Variants in ADGRL3 observed in about 807,000 individuals in gnomAD.
ADGRL3 encodes adhesion G protein-coupled receptor L3, also known as calcium-independent alpha-latrotoxin receptor 3.
ADGRL3 carries 62 observed loss-of-function variants against 153.5 expected under a neutral mutation model. That is an observed-to-expected ratio of 0.40 (90% CI 0.33 to 0.50). The LOEUF is 0.50. ADGRL3 is among the 20% of genes least tolerant of loss of function. ADGRL3 has a pLI of 0.47. For missense variants in ADGRL3, 1,641 were observed against 1,859.4 expected (o/e 0.88, Z 2.16); for synonymous variants, 710 against 672.5 (o/e 1.06, Z -0.86).
chr4:61,879,189 A>C (rs191684416), intron 9 of ADGRL3, among the ~76,000 whole-genome samples: 1 of 152,344 alleles, frequency 6.6e-6, no homozygotes, highest in Admixed American at 6.5e-5. Context: ...ATTATGTGTT[A>C]CTGAATAACA....
Position 61,977,834 on chromosome 4 carries a change from GT to G in ADGRL3, c.2806-1726del, listed in dbSNP as rs371272536. On this transcript the variant is annotated intron_variant, in intron 17 of 26. Transcript: ENST00000683033. ...TTAGATTCATGGGGTACATGGGCAG[GT>G]TTGTTACATAGGTGTATTGTGTGAT... 2.8e-4 allele frequency among the ~76,000 whole-genome samples: 42 copies of G among 152,132 alleles called. No homozygotes were observed. In the South Asian group the frequency reaches 8.7e-3, roughly 32 times the overall value.
At position 61,892,706 on chromosome 4, in the gene ADGRL3, A is replaced by G. The variant is rs753541050; in HGVS notation, c.1531A>G (p.Thr511Ala). 1 of 1,613,746 alleles carries G rather than the reference A, an allele frequency of 6.2e-7. No individual in the cohort carries two copies. Among genetic ancestry groups the G allele is most frequent in the African/African-American group, 1.3e-5 (1 of 74,890 alleles). ...CATGGGAAGCACTACCACCAGTACC[A>G]CCCTTCGGACCACAACTTTGAGCCC... ...LGMGSTTTST[T>A]LRTTTLSPGR... The change falls in exon 10 of 27, where the codon ACC (threonine) becomes GCC (alanine). Residue 511 changes from threonine (T) to alanine (A), a missense_variant. Physicochemically the swap from Thr to Ala is moderately conservative, Grantham distance 58. This residue lies in a region of ADGRL3 where 734 missense variants were observed against 797.0 expected (regional missense o/e 0.92). Transcript: ENST00000683033.
intron 1 of ADGRL3, among the ~76,000 whole-genome samples, chr4:61,341,344 A>G (rs955254270): frequency 5.3e-5 from 8 of 152,056 alleles, no homozygotes; most frequent in African/African-American, 1.9e-4. Context: ...TTATTATACA[A>G]GTAATTCATG....
At chr4:61,767,303 A>G (rs1187052003) in intron 8 of ADGRL3, among the ~76,000 whole-genome samples, 1 of 150,914 alleles carries the variant, frequency 6.6e-6, no homozygotes, top group Non-Finnish European at 1.5e-5. Flanking sequence ...GGGGACAACT[A>G]AAAAGGAGTG....
chr4:61,979,758 C>G lies in ADGRL3; in HGVS notation c.3001C>G (p.Arg1001Gly). The change falls in exon 18 of 27, where the codon CGA becomes GGA. Residue 1001 changes from arginine (R) to glycine (G), a missense_variant. By Grantham distance (125) the Arg-to-Gly change is moderately radical (BLOSUM62 -2). This residue lies in a region of ADGRL3 where 734 missense variants were observed against 797.0 expected (regional missense o/e 0.92). Transcript: ENST00000683033. The part of the protein sequence containing the change: ...AELLFLIGIN[R>G]TDQPIACAVF... The stretch of plus-strand genomic sequence containing the variant: ...GCTGCTCTTCCTGATTGGGATCAAC[C>G]GAACTGACCAACCAGTAAGCAACCT... 6.2e-7 allele frequency: 1 copy of G among 1,613,752 alleles called. No individual in the cohort carries two copies. The highest frequency in any genetic ancestry group is 8.5e-7 in the Non-Finnish European group (1 of 1,179,738).
chr4:61,681,551 C>A (rs986221384), intron 6 of ADGRL3, among the ~76,000 whole-genome samples: 4 of 152,064 alleles, frequency 2.6e-5, no homozygotes, highest in Admixed American at 6.6e-5. Context: ...GACTTTCTCA[C>A]TAGTCACATT....
intron 1 of ADGRL3, among the ~76,000 whole-genome samples, chr4:61,370,277 G>C (rs971101189): frequency 5.4e-4 from 56 of 103,430 alleles, no homozygotes; most frequent in Non-Finnish European, 1.2e-3. Context: ...GCTAGCTTTT[G>C]AATGTGTTTG....
chr4:61,277,749 C>T (rs915555535), intron 1 of ADGRL3, among the ~76,000 whole-genome samples: 1 of 151,880 alleles, frequency 6.6e-6, no homozygotes, highest in Middle Eastern at 3.2e-3. Context: ...TCCAATGTGC[C>T]AAAAAAGACT....
chr4:61,399,094 T>G (rs564036841), intron 2 of ADGRL3, among the ~76,000 whole-genome samples: 2 of 151,866 alleles, frequency 1.3e-5, no homozygotes, highest in African/African-American at 4.8e-5. Context: ...TACTTGTAAG[T>G]AGAAAGCATA....
Position 61,597,573 on chromosome 4 carries a change from C to T in ADGRL3, c.473+10133C>T, listed in dbSNP as rs76965879. 2.4e-3 allele frequency among the ~76,000 whole-genome samples: 368 copies of T among 151,788 alleles called. 10 individuals carry two copies. Among genetic ancestry groups the T allele is most frequent in the East Asian group, 2.3e-3 (12 of 5,158 alleles). ...TATGACAGTTCTTTACCAATACAAA[C>T]ATTTTTTAAAATATCATATTATAAT... On this transcript the variant is annotated intron_variant, in intron 5 of 26. Coordinates refer to ENST00000683033, the MANE Select transcript of ADGRL3 (RefSeq NM_001387552.1).
At chr4:61,456,411 AT>A (rs2097747950) in intron 2 of ADGRL3, among the ~76,000 whole-genome samples, 1 of 57,724 alleles carries the variant, frequency 1.7e-5, no homozygotes, top group Non-Finnish European at 4.4e-5. Context: ...ATCTATATAT[AT>A]ATAGATATAT....
At chr4:61,525,421 A>C (rs2152933559) in intron 4 of ADGRL3, among the ~76,000 whole-genome samples, 1 of 152,280 alleles carries the variant, frequency 6.6e-6, no homozygotes, top group Non-Finnish European at 1.5e-5. Flanking sequence ...ATAGTGAGAC[A>C]GGAAGTTTGA....
At chr4:61,945,909 G>T (rs947797160) in intron 15 of ADGRL3, among the ~76,000 whole-genome samples, 3 of 152,164 alleles carry the variant, frequency 2.0e-5, no homozygotes, top group Admixed American at 6.5e-5. Flanking sequence ...CGTCGCTCAC[G>T]CTGGGAGCTG....
At chr4:61,306,750 C>T (rs951305776) in intron 1 of ADGRL3, among the ~76,000 whole-genome samples, 2 of 152,122 alleles carry the variant, frequency 1.3e-5, no homozygotes, top group African/African-American at 2.4e-5. Flanking sequence ...TACAACTATG[C>T]AACCACCACC....
chr4:61,583,245 G>A (rs747513442), intron 4 of ADGRL3, among the ~76,000 whole-genome samples: 3 of 151,984 alleles, frequency 2.0e-5, no homozygotes, highest in Non-Finnish European at 2.9e-5. Context: ...ACCAAGAGGA[G>A]TCACCTGACT....
Position 61,487,674 on chromosome 4 carries a change from AT to A in ADGRL3, c.-173-9445del, listed in dbSNP as rs536765249. On this transcript the variant is annotated intron_variant, in intron 2 of 26. Transcript: ENST00000683033. ...TGTCTTAAATGGCATATTGTTAATA[AT>A]TGTTAATTTTTAAAATATATTTTAA... Among the ~76,000 whole-genome samples the A allele has an allele frequency of 3.5e-3, 530 of 152,148 alleles. 2 individuals are homozygous for A. Among genetic ancestry groups the A allele is most frequent in the Non-Finnish European group, 6.2e-3 (423 of 67,912 alleles).
intron 21 of ADGRL3, among the ~76,000 whole-genome samples, chr4:62,025,318 C>A (rs1717866095): frequency 6.6e-6 from 1 of 152,168 alleles, no homozygotes; most frequent in Non-Finnish European, 1.5e-5. Flanking sequence ...GTAAAACATT[C>A]TTCCTCCACT....
chr4:61,261,189 CTTTTTTTT>C (rs56862136), intron 1 of ADGRL3, among the ~76,000 whole-genome samples: 1 of 118,258 alleles, frequency 8.5e-6, no homozygotes, highest in Non-Finnish European at 1.7e-5. Context: ...TCATCTTCTT[CTTTTTTTT>C]TTTTTTTTTT....
At chr4:61,715,461 A>G (rs140817941) in intron 6 of ADGRL3, among the ~76,000 whole-genome samples, 484 of 152,298 alleles carry the variant, frequency 3.2e-3, no homozygotes, top group Non-Finnish European at 5.3e-3. Flanking sequence ...AAAACAGCTA[A>G]TTAAGGAAGA....
Sources: gnomAD v4.1 joint callset for allele counts (sites outside exome capture counted in the v4.1 genomes callset) on GRCh38, gnomAD v4.1.1 for gene constraint, gnomAD v4.1.1 regional missense constraint, MANE v1.5 for transcripts, NCBI Gene and HGNC (gene_info 2026-07-23, HGNC 2026-07-21) for gene names.